The following MON2 variants were observed in gnomAD, a reference collection of about 807,000 sequenced individuals.
The protein encoded by MON2 is protein MON2 homolog.
A neutral mutation model predicts 208.6 loss-of-function variants in MON2; 84 were observed. The ratio of observed to expected loss-of-function variants is 0.40; its 90% CI spans 0.34 to 0.48. The LOEUF (loss-of-function observed/expected upper bound fraction) is 0.48. Among genes scored for constraint, MON2 ranks in the 20% least tolerant of loss-of-function variants. MON2 has a pLI of 0.59. For synonymous variants in MON2, 660 were observed against 694.0 expected (o/e 0.95, Z 0.77); for missense variants, 1,611 against 2,015.4 (o/e 0.80, Z 3.84).
intron 16 of MON2, 108 bp downstream of exon 16, chr12:62,537,814 T>C: frequency 1.2e-6 from 1 of 854,052 alleles, no homozygotes; most frequent in Non-Finnish European, 1.8e-6. Flanking sequence ...AAAAAATAGA[T>C]AGTAAGTATG....
chr12:62,469,115 C>CTTT (rs564958691), intron 1 of MON2, among the ~76,000 whole-genome samples: 1 of 113,552 alleles, frequency 8.8e-6, no homozygotes, highest in East Asian at 2.3e-4. Context: ...AATTTTTCGC[C>CTTT]TTTTTTTTTT....
intron 22 of MON2, among the ~76,000 whole-genome samples, chr12:62,547,863 C>T (rs7975109): frequency 0.12 from 18,916 of 152,042 alleles, 1,500 homozygotes; most frequent in Middle Eastern, 0.24. Context: ...ACCATATAGC[C>T]CCGGTGTGTA....
chr12:62,585,232 T>A, intron 32 of MON2, 62 bp from the exon 33 acceptor site: 1 of 1,318,704 alleles, frequency 7.6e-7, no homozygotes, highest in South Asian at 1.3e-5. Flanking sequence ...TGCTAAGCAT[T>A]GTTATCATTA....
intron 21 of MON2, 147 bp from the exon 22 acceptor site, chr12:62,546,750 C>A: frequency 1.7e-6 from 1 of 597,992 alleles, no homozygotes. Context: ...GGACGAGACT[C>A]CATTTCAAAA....
chr12:62,483,546 ACT>A (rs1357819994), intron 1 of MON2, among the ~76,000 whole-genome samples: 3 of 151,768 alleles, frequency 2.0e-5, no homozygotes, highest in African/African-American at 7.3e-5. Flanking sequence ...AAAATAAAAC[ACT>A]CTACTAAAAA....
intron 25 of MON2, 124 bp downstream of exon 25, chr12:62,556,316 T>C: frequency 1.1e-6 from 1 of 946,630 alleles, no homozygotes. Context: ...TGTAAGCATC[T>C]GTGTTTTCAT....
At position 62,508,313 on chromosome 12, in the gene MON2, G is replaced by C. The variant is rs1209476708; in HGVS notation, c.817G>C (p.Glu273Gln). 1 of 1,613,078 alleles carries C rather than the reference G, an allele frequency of 6.2e-7. No individual in the cohort carries two copies. Among genetic ancestry groups the C allele is most frequent in the South Asian group, 1.1e-5 (1 of 90,764 alleles). The change falls in exon 8 of 35, where the codon GAA becomes CAA. Residue 273 changes from glutamate (E) to glutamine (Q), a missense_variant. By Grantham distance (29) the Glu-to-Gln change is conservative (BLOSUM62 2). Transcript: ENST00000393630. ...QHQEFSFLLK[E>Q]RVCPLVIKLF... ...CCAAGAATTTAGTTTCCTCCTCAAA[G>C]AAAGGGTATGTCCTCTTGTGATAAA...
intron 32 of MON2, among the ~76,000 whole-genome samples, chr12:62,583,786 T>TA (rs776705735): frequency 0.03 from 3,716 of 125,526 alleles, 79 homozygotes; most frequent in African/African-American, 0.066. Context: ...CTGTCTCTAC[T>TA]AAAAAAAAAA....
rs138072439 is a variant in MON2 at position 62,499,472 on chromosome 12, C to T, written c.565+424C>T. On this transcript the variant is annotated intron_variant, in intron 5 of 34. Transcript: ENST00000393630. The stretch of plus-strand genomic sequence containing the variant: ...TATAACTGTTTTGGGTGGTTTCCTA[C>T]GTATCTTTTTGAATTATTTCTTTAG... Among the ~76,000 whole-genome samples the T allele has an allele frequency of 4.4e-3, 669 of 152,222 alleles. 7 individuals carry two copies. The highest frequency in any genetic ancestry group is 0.015 in the African/African-American group (630 of 41,522).
intron 30 of MON2, among the ~76,000 whole-genome samples, chr12:62,576,847 G>A (rs922592095): frequency 7.9e-5 from 12 of 151,498 alleles, no homozygotes; most frequent in Non-Finnish European, 1.5e-4. Flanking sequence ...CAGTGTTTCT[G>A]ATATATGATC....
intron 1 of MON2, among the ~76,000 whole-genome samples, chr12:62,477,034 C>T (rs547386463): frequency 1.2e-3 from 188 of 152,142 alleles, no homozygotes; most frequent in African/African-American, 4.2e-3. Context: ...CCTATAGTCC[C>T]GGCCATTTGG....
rs1251712782 is a variant in MON2 at position 62,560,791 on chromosome 12, T to G, written c.3710T>G (p.Leu1237Trp). 20 of 1,614,014 alleles carry G rather than the reference T, an allele frequency of 1.2e-5. No individual in the cohort carries two copies. Among genetic ancestry groups the G allele is most frequent in the Non-Finnish European group, 1.7e-5 (20 of 1,180,004 alleles). ...PPIVTDELEDLNLWWAAWNTW... is the reference protein window; with the variant it reads ...PPIVTDELEDWNLWWAAWNTW... ...ATTGTTACTGATGAGCTTGAAGATT[T>G]GAATCTATGGTGGGCTGCGTGGAAT... The change falls in exon 26 of 35, where the codon TTG becomes TGG. Residue 1237 changes from leucine to tryptophan, a missense_variant. Leu to Trp is a moderately conservative substitution (Grantham distance 61). Coordinates refer to ENST00000393630, the MANE Select transcript of MON2 (RefSeq NM_015026.3).
intron 1 of MON2, among the ~76,000 whole-genome samples, chr12:62,469,555 G>C (rs755881299): frequency 2.0e-5 from 3 of 152,130 alleles, no homozygotes; most frequent in Non-Finnish European, 4.4e-5. Flanking sequence ...ACTACTTTAG[G>C]AATTGAAAAA....
chr12:62,499,598 G>T (rs1003695742), intron 5 of MON2, among the ~76,000 whole-genome samples: 1 of 152,080 alleles, frequency 6.6e-6, no homozygotes, highest in Non-Finnish European at 1.5e-5. Flanking sequence ...TTTTGGCTGG[G>T]TGCGGTGGCT....
intron 22 of MON2, among the ~76,000 whole-genome samples, chr12:62,549,324 A>C (rs1346632521): frequency 1.3e-5 from 2 of 152,050 alleles, no homozygotes; most frequent in Non-Finnish European, 2.9e-5. Context: ...CATTTCTTTT[A>C]AATGCATAAG....
At chr12:62,524,159 C>T (rs991015081) in intron 8 of MON2, among the ~76,000 whole-genome samples, 4 of 152,060 alleles carry the variant, frequency 2.6e-5, no homozygotes, top group East Asian at 1.9e-4. Context: ...AAGAGTAGAA[C>T]GTGCATCCTG....
intron 25 of MON2, 25 bp from the exon 26 acceptor site, chr12:62,560,463 ATAG>A (rs766207870): frequency 6.4e-7 from 1 of 1,555,178 alleles, no homozygotes; most frequent in Non-Finnish European, 8.6e-7. Context: ...TTTTATGATA[ATAG>A]TTTTTTTTTC....
In MON2 at chr12:62,598,762, G is replaced by T. The variant is rs577027414; in HGVS notation, c.*6013G>T. Reference sequence around the variant, plus strand: ...AGTTATGTATTATAATCATGAAATTGTATTGGCCTCAAACCCAAATTTTCT... The same window carrying T: ...AGTTATGTATTATAATCATGAAATTTTATTGGCCTCAAACCCAAATTTTCT... On this transcript the variant is annotated 3_prime_UTR_variant, in exon 35 of 35. Transcript: ENST00000393630. The T allele has an allele frequency of 1.3e-5, 2 of 152,122 alleles. No individual in the cohort carries two copies. Among genetic ancestry groups the T allele is most frequent in the Non-Finnish European group, 2.9e-5 (2 of 68,002 alleles). The allele number at this position is 152,122 out of a possible 1,614,324, so 9.4% of individuals were successfully genotyped here.
At chr12:62,469,516 T>C (rs2068680874) in intron 1 of MON2, among the ~76,000 whole-genome samples, 1 of 152,218 alleles carries the variant, frequency 6.6e-6, no homozygotes, top group South Asian at 2.1e-4. Context: ...AATGAAAGCT[T>C]TTTGATTTCT....
Sources: allele counts gnomAD v4.1 joint callset (sites outside exome capture counted in the v4.1 genomes callset), GRCh38; gene constraint gnomAD v4.1.1; transcripts MANE v1.5; gene names NCBI Gene and HGNC (gene_info 2026-07-23, HGNC 2026-07-21).